NELL2: variants seen among roughly 807,000 people sequenced by gnomAD.
The protein encoded by NELL2 is neural EGFL like 2.
Under a neutral mutation model 109.6 loss-of-function variants are expected in NELL2, and 41 were observed. That is an observed-to-expected ratio of 0.37 (90% CI 0.29 to 0.49). The LOEUF is 0.49. Ranked by LOEUF, NELL2 falls within the 20% of genes least tolerant of loss-of-function variation. The probability of loss-of-function intolerance (pLI) is 0.98; values close to 1 mark genes in which losing one functional copy is unlikely to be tolerated. For missense variants in NELL2, 900 were observed against 1,008.3 expected (o/e 0.89, Z 1.45); for synonymous variants, 355 against 344.7 (o/e 1.03, Z -0.33).
At chr12:44,595,056 G>A (rs187168199) in intron 15 of NELL2, among the ~76,000 whole-genome samples, 3 of 152,140 alleles carry the variant, frequency 2.0e-5, no homozygotes, top group African/African-American at 4.8e-5. Flanking sequence ...GTAAATGGCC[G>A]AAACCAAAAA....
At chr12:44,740,971 G>C (rs1939924995) in intron 9 of NELL2, among the ~76,000 whole-genome samples, 1 of 152,140 alleles carries the variant, frequency 6.6e-6, no homozygotes, top group South Asian at 2.1e-4. Flanking sequence ...CACTTATATG[G>C]AGCTTACTAT....
chr12:44,523,457 T>C lies in NELL2; in HGVS notation c.1832A>G (p.His611Arg). 4 of 1,613,738 alleles carry C rather than the reference T, an allele frequency of 2.5e-6. No individual in the cohort carries two copies. Among genetic ancestry groups the C allele is most frequent in the Non-Finnish European group, 3.4e-6 (4 of 1,179,888 alleles). ...EDIDECGTGR[H>R]SCANDTICFN... Reference sequence around the variant, plus strand: ...GCAAATGGTATCATTGGCACAGCTGTGCCTCCCGGTCCCACACTCATCAAT... The same window carrying C: ...GCAAATGGTATCATTGGCACAGCTGCGCCTCCCGGTCCCACACTCATCAAT... Residue 611 changes from histidine (H) to arginine (R), a missense_variant, in exon 17 of 20, where the codon CAC becomes CGC. Physicochemically the swap from His to Arg is conservative, Grantham distance 29. Transcript: ENST00000429094.
intron 3 of NELL2, among the ~76,000 whole-genome samples, chr12:44,782,680 A>G (rs1453648579): frequency 6.6e-6 from 1 of 152,034 alleles, no homozygotes; most frequent in African/African-American, 2.4e-5. Flanking sequence ...AAAAAAATCA[A>G]TCCATTAAGA....
chr12:44,559,405 T>C (rs1159088188), intron 15 of NELL2, among the ~76,000 whole-genome samples: 5 of 151,968 alleles, frequency 3.3e-5, no homozygotes. Flanking sequence ...AGAGTAAAGA[T>C]CCATCGGTGT....
At chr12:44,570,242 A>G (rs1943812330) in intron 15 of NELL2, among the ~76,000 whole-genome samples, 1 of 152,196 alleles carries the variant, frequency 6.6e-6, no homozygotes, top group African/African-American at 2.4e-5. Context: ...AATGTGAGCA[A>G]AAGGAAATTT....
intron 13 of NELL2, among the ~76,000 whole-genome samples, chr12:44,634,500 C>A (rs1395811076): frequency 2.6e-5 from 4 of 152,066 alleles, no homozygotes; most frequent in Admixed American, 2.6e-4. Context: ...AAGGCAGGAA[C>A]TCATCCCTTT....
At chr12:44,596,340 T>C (rs1370653582) in intron 15 of NELL2, among the ~76,000 whole-genome samples, 2 of 152,180 alleles carry the variant, frequency 1.3e-5, no homozygotes, top group African/African-American at 4.8e-5. Flanking sequence ...AGAAAGAGCG[T>C]GGAAAATTTT....
At chr12:44,767,074 C>T (rs1052430030) in intron 9 of NELL2, among the ~76,000 whole-genome samples, 4 of 151,992 alleles carry the variant, frequency 2.6e-5, no homozygotes, top group Non-Finnish European at 4.4e-5. Flanking sequence ...GGACAGTATC[C>T]GTGTTACGTC....
intron 15 of NELL2, among the ~76,000 whole-genome samples, chr12:44,548,293 A>T (rs1033784269): frequency 6.6e-6 from 1 of 152,170 alleles, no homozygotes; most frequent in Non-Finnish European, 1.5e-5. Flanking sequence ...ACATAACATA[A>T]GTGTTAGTCT....
At chr12:44,847,580 A>G (rs1202105082) in intron 2 of NELL2, among the ~76,000 whole-genome samples, 1 of 150,992 alleles carries the variant, frequency 6.6e-6, no homozygotes, top group African/African-American at 2.4e-5. Flanking sequence ...AAAAAAAAAA[A>G]GCCTTGTACT....
At chr12:44,913,783 A>G (rs1180977515) in intron 1 of NELL2, 2 of 830,130 alleles carry the variant, frequency 2.4e-6, no homozygotes, top group Admixed American at 5.8e-5. Flanking sequence ...AATTAAAATG[A>G]TAAGAAAGAA....
chr12:44,548,015 T>G (rs1942870640), intron 15 of NELL2, among the ~76,000 whole-genome samples: 1 of 152,180 alleles, frequency 6.6e-6, no homozygotes, highest in Non-Finnish European at 1.5e-5. Flanking sequence ...AAACAAAATG[T>G]GAGCCCTTAG....
chr12:44,915,051 C>T (rs1945818240), upstream of NELL2, among the ~76,000 whole-genome samples: 1 of 152,062 alleles, frequency 6.6e-6, no homozygotes. Flanking sequence ...CAGGGTTTCA[C>T]CGTGTTAGCC....
intron 1 of NELL2, among the ~76,000 whole-genome samples, chr12:44,895,163 T>C (rs1945578947): frequency 6.6e-6 from 1 of 150,410 alleles, no homozygotes; most frequent in Non-Finnish European, 1.5e-5. Context: ...CCTTCAGACT[T>C]TCCTTTCAAC....
intron 15 of NELL2, among the ~76,000 whole-genome samples, chr12:44,583,403 C>A (rs902178041): frequency 1.3e-5 from 2 of 152,162 alleles, no homozygotes; most frequent in African/African-American, 4.8e-5. Context: ...CACACCCCGC[C>A]AACACCAGAA....
intron 2 of NELL2, among the ~76,000 whole-genome samples, chr12:44,849,548 T>A (rs973814975): frequency 1.3e-5 from 2 of 152,212 alleles, no homozygotes; most frequent in African/African-American, 2.4e-5. Flanking sequence ...ATATGAGTAT[T>A]GAACAGTACA....
intron 9 of NELL2, among the ~76,000 whole-genome samples, chr12:44,750,398 A>C (rs1940599130): frequency 6.6e-6 from 1 of 152,190 alleles, no homozygotes; most frequent in Non-Finnish European, 1.5e-5. Context: ...TTAATGCTAG[A>C]GGATTCACTG....
chr12:44,859,029 C>A (rs116151649), intron 2 of NELL2, among the ~76,000 whole-genome samples: 1 of 152,286 alleles, frequency 6.6e-6, no homozygotes, highest in African/African-American at 2.4e-5. Flanking sequence ...TGATTACCTA[C>A]AATTTGTCAT....
chr12:44,676,630 T>C (rs940611677), intron 12 of NELL2, among the ~76,000 whole-genome samples: 6 of 152,130 alleles, frequency 3.9e-5, no homozygotes, highest in Non-Finnish European at 7.4e-5. Context: ...GTATGGTACA[T>C]TCCTCAAAAA....
Sources: allele counts gnomAD v4.1 joint callset (sites outside exome capture counted in the v4.1 genomes callset), GRCh38; gene constraint gnomAD v4.1.1; transcripts MANE v1.5; gene names NCBI Gene and HGNC (gene_info 2026-07-23, HGNC 2026-07-21).